Variants in BCAR3 observed in about 807,000 individuals in gnomAD.
BCAR3 encodes breast cancer anti-estrogen resistance protein 3.
BCAR3 carries 37 observed loss-of-function variants against 80.1 expected under a neutral mutation model. The ratio of observed to expected loss-of-function variants is 0.46; its 90% confidence interval spans 0.36 to 0.61. The LOEUF is 0.61. BCAR3 is among the 20% of genes least tolerant of loss of function. The pLI is 0.00. For missense variants in BCAR3, 978 were observed against 1,068.2 expected, an observed-to-expected ratio of 0.92 and a Z score of 1.18; for synonymous variants, 389 against 418.9, an observed-to-expected ratio of 0.93 and a Z score of 0.87.
intron 2 of BCAR3, 83 bp from the exon 3 acceptor site, chr1:93,642,426 C>A: frequency 7.5e-7 from 1 of 1,338,378 alleles, no homozygotes. Flanking sequence ...CATTATTTCA[C>A]CCTATTCACT....
At chr1:93,580,099 G>A (rs1479772581) in intron 7 of BCAR3, among the ~76,000 whole-genome samples, 1 of 152,180 alleles carries the variant, frequency 6.6e-6, no homozygotes, top group Non-Finnish European at 1.5e-5. Context: ...CCTGGGCAAT[G>A]AGTTACTCTG....
intron 2 of BCAR3, among the ~76,000 whole-genome samples, chr1:93,648,200 A>C (rs989423469): frequency 1.3e-5 from 2 of 152,200 alleles, no homozygotes; most frequent in Admixed American, 1.3e-4. Context: ...AATTAGGGAA[A>C]ATTTTATTAA....
chr1:93,684,088 C>A (rs191083229), upstream of BCAR3, among the ~76,000 whole-genome samples: 1 of 152,272 alleles, frequency 6.6e-6, no homozygotes, highest in Admixed American at 6.5e-5. Flanking sequence ...CTTCCTACTT[C>A]ATTAGAAGCA....
intron 2 of BCAR3, among the ~76,000 whole-genome samples, chr1:93,730,954 G>A (rs1219042011): frequency 6.6e-6 from 1 of 152,200 alleles, no homozygotes; most frequent in Non-Finnish European, 1.5e-5. Flanking sequence ...AAGTCATGTG[G>A]GCAGCATGTG....
At chr1:93,780,806 C>T (rs1652737342) in intron 2 of BCAR3, among the ~76,000 whole-genome samples, 1 of 152,160 alleles carries the variant, frequency 6.6e-6, no homozygotes, top group South Asian at 2.1e-4. Context: ...CTCACTGATA[C>T]CCCTTAACCA....
At chr1:93,635,796 T>C (rs1455932838) in intron 3 of BCAR3, among the ~76,000 whole-genome samples, 1 of 152,248 alleles carries the variant, frequency 6.6e-6, no homozygotes, top group Non-Finnish European at 1.5e-5. Flanking sequence ...TCTCATGGAA[T>C]GTACAGCGTG....
chr1:93,589,102 G>A lies in BCAR3; in HGVS notation c.804C>T (p.Thr268=). 1.2e-6 allele frequency: 2 copies of A among 1,612,828 alleles called. No homozygotes were observed. Among genetic ancestry groups the A allele is most frequent in the Non-Finnish European group, 1.7e-6 (2 of 1,179,416 alleles). The change falls in exon 5 of 12, where the codon ACC becomes ACT. Residue 268 remains threonine (T), a synonymous_variant. Transcript: ENST00000260502. ...PLRCLEEHYG[T]SPGQAREGSL... is the part of the protein sequence containing the mutation. ...TGCCCTCCCGGGCCTGGCCTGGGGA[G>A]GTGCCATAATGCTCCTCCAGGCACC...
chr1:93,790,678 G>C (rs1330985336), intron 2 of BCAR3, among the ~76,000 whole-genome samples: 1 of 81,726 alleles, frequency 1.2e-5, no homozygotes, highest in African/African-American at 5.6e-5. Context: ...TATACTTTAA[G>C]TTTTAGGGTA....
chr1:93,592,456 A>G lies in BCAR3; in HGVS notation c.358-63T>C. 2.6e-6 allele frequency: 4 copies of G among 1,513,996 alleles called. No individual in the cohort carries two copies. The South Asian group carries it at 3.8e-5, about 15-fold the overall frequency. 93.8% of individuals were successfully genotyped at this position (1,513,996 alleles called of 1,614,324 possible). A position where few individuals can be genotyped will look rare whatever the true frequency, so the allele number is the denominator to read the frequency against. ...GGCCACACCAGGCCATGCCAGCTGGAGGTGACCGCCTGCTTCACTAATCCA... is the reference window on the plus strand; with the variant it reads ...GGCCACACCAGGCCATGCCAGCTGGGGGTGACCGCCTGCTTCACTAATCCA... On this transcript the variant is annotated intron_variant, in intron 3 of 11. Transcript: ENST00000260502. This position sits in a 1 kb window ranked among gnomAD's most constrained non-coding sequence, Gnocchi z 4.8.
chr1:93,835,985 G>A (rs1170781062), intron 2 of BCAR3, among the ~76,000 whole-genome samples: 3 of 152,098 alleles, frequency 2.0e-5, no homozygotes. Flanking sequence ...AGTTTCTCAG[G>A]CTCTTGGTAT....
chr1:93,571,611 C>T (rs772129687), intron 9 of BCAR3, 59 bp downstream of exon 9: 1 of 1,591,760 alleles, frequency 6.3e-7, no homozygotes, highest in African/African-American at 1.3e-5. Flanking sequence ...ATTTGCCAAA[C>T]ATGGCATGCA....
chr1:93,654,633 T>C (rs1029712141), intron 2 of BCAR3, among the ~76,000 whole-genome samples: 4 of 152,238 alleles, frequency 2.6e-5, no homozygotes, highest in African/African-American at 9.6e-5. Flanking sequence ...AACATGCTCA[T>C]TGTCTATTCC....
intron 2 of BCAR3, among the ~76,000 whole-genome samples, chr1:93,758,631 T>C (rs914937036): frequency 6.6e-5 from 10 of 152,328 alleles, no homozygotes; most frequent in Admixed American, 1.3e-4. Context: ...AGCAGACTCA[T>C]AGGCACTGGG....
chr1:93,822,015 C>T (rs1290942319), intron 2 of BCAR3, among the ~76,000 whole-genome samples: 2 of 152,048 alleles, frequency 1.3e-5, no homozygotes, highest in Non-Finnish European at 2.9e-5. Flanking sequence ...AGGAGCCAAG[C>T]AAGGTTAGGG....
chr1:93,707,828 TA>T (rs1468098331), intron 2 of BCAR3, among the ~76,000 whole-genome samples: 1 of 152,226 alleles, frequency 6.6e-6, no homozygotes, highest in Non-Finnish European at 1.5e-5. Flanking sequence ...TAAATGCTTG[TA>T]TGGATATGGT....
At chr1:93,581,394 T>C (rs1421291265) in intron 7 of BCAR3, among the ~76,000 whole-genome samples, 1 of 152,150 alleles carries the variant, frequency 6.6e-6, no homozygotes, top group Non-Finnish European at 1.5e-5. Context: ...GTTTTATCTT[T>C]TAATCTGTAT....
At chr1:93,674,981 G>C in intron 1 of BCAR3, 40 bp from the exon 2 acceptor site, 2 of 1,453,954 alleles carry the variant, frequency 1.4e-6, no homozygotes, top group Non-Finnish European at 1.8e-6. Flanking sequence ...AAATCTATGA[G>C]AGTCACAAGA....
intron 2 of BCAR3, among the ~76,000 whole-genome samples, chr1:93,649,269 G>GT (rs1436716361): frequency 6.6e-6 from 1 of 152,156 alleles, no homozygotes; most frequent in African/African-American, 2.4e-5. Flanking sequence ...TTGAGTGCTG[G>GT]GTCTGCACAG....
intron 2 of BCAR3, among the ~76,000 whole-genome samples, chr1:93,771,415 A>G (rs1190639755): frequency 1.3e-5 from 2 of 152,228 alleles, no homozygotes; most frequent in Non-Finnish European, 2.9e-5. Flanking sequence ...CATCTGCTTT[A>G]GTGCCTAGGA....
Sources: allele counts gnomAD v4.1 joint callset (sites outside exome capture counted in the v4.1 genomes callset), GRCh38; gene constraint gnomAD v4.1.1; non-coding constraint Gnocchi (gnomAD v3.1); transcripts MANE v1.5; gene names NCBI Gene and HGNC (gene_info 2026-07-23, HGNC 2026-07-21).